The following COL15A1 variants were observed in gnomAD, a reference collection of about 807,000 sequenced individuals.
COL15A1 encodes collagen alpha-1(XV) chain.
A neutral mutation model predicts 165.9 loss-of-function variants in COL15A1; 111 were observed. That is an observed-to-expected ratio of 0.67 (90% confidence interval 0.57 to 0.78). The LOEUF (loss-of-function observed/expected upper bound fraction) is 0.78. Among genes scored for constraint, COL15A1 ranks in the 30% least tolerant of loss-of-function variants. The pLI is 0.00. For synonymous variants in COL15A1, 659 were observed against 674.8 expected, an observed-to-expected ratio of 0.98 and a Z score of 0.36; for missense variants, 1,745 against 1,789.7, an observed-to-expected ratio of 0.98 and a Z score of 0.45.
At chr9:98,981,506 G>C (rs554561697) in intron 2 of COL15A1, among the ~76,000 whole-genome samples, 1 of 152,008 alleles carries the variant, frequency 6.6e-6, no homozygotes. Context: ...GTATCAACAG[G>C]GATAAATCTA....
chr9:98,957,419 A>T (rs1405179966), intron 2 of COL15A1, among the ~76,000 whole-genome samples: 1 of 152,206 alleles, frequency 6.6e-6, no homozygotes, highest in Admixed American at 6.5e-5. Context: ...GAACTGTAAG[A>T]TAAAAAAACT....
chr9:98,947,506 A>G (rs1837605017), intron 2 of COL15A1, among the ~76,000 whole-genome samples: 1 of 152,204 alleles, frequency 6.6e-6, no homozygotes. Context: ...GGTGAATTTT[A>G]TGGAATGTAA....
intron 13 of COL15A1, 62 bp from the exon 14 acceptor site, chr9:99,023,295 A>G: frequency 1.3e-6 from 2 of 1,526,036 alleles, no homozygotes; most frequent in Non-Finnish European, 1.8e-6. Flanking sequence ...AAACTCAGTG[A>G]CGTGGCTGTC....
At chr9:99,031,643 G>T (rs1434102110) in intron 16 of COL15A1, among the ~76,000 whole-genome samples, 1 of 152,204 alleles carries the variant, frequency 6.6e-6, no homozygotes, top group African/African-American at 2.4e-5. Flanking sequence ...TTCAGAGCTG[G>T]AAGGAACCTG....
intron 3 of COL15A1, 44 bp downstream of exon 3, chr9:98,986,156 A>T: frequency 6.9e-7 from 1 of 1,456,110 alleles, no homozygotes; most frequent in East Asian, 2.3e-5. Flanking sequence ...AGGTGGATGA[A>T]CAGACTCGCC....
intron 31 of COL15A1, among the ~76,000 whole-genome samples, 180 bp from the exon 32 acceptor site, chr9:99,054,396 T>A (rs928419674): frequency 1.3e-5 from 2 of 152,218 alleles, no homozygotes; most frequent in African/African-American, 2.4e-5. Context: ...AGGTTGAGAA[T>A]GTGTCTGAAG....
At chr9:99,040,135 A>C (rs1839375647) in intron 22 of COL15A1, among the ~76,000 whole-genome samples, 1 of 152,232 alleles carries the variant, frequency 6.6e-6, no homozygotes, top group Non-Finnish European at 1.5e-5. Flanking sequence ...ACCAGCTAAC[A>C]AGTGAAAGTT....
rs566012131 is a variant in COL15A1, at chr9:98,955,539, G to A, written c.100+11289G>A. ...ACCCAGCATTATGAACCTTTGACCA[G>A]CAAAGTCTATGTGCGCCTCCAGCCA... On this transcript the variant is annotated intron_variant, in intron 2 of 41. Transcript: ENST00000375001. Among the ~76,000 whole-genome samples the A allele has an allele frequency of 3.9e-5, 6 of 152,318 alleles. No individual in the cohort carries two copies. The East Asian group carries it at 5.8e-4, about 15-fold the overall frequency.
chr9:99,064,484 C>T (rs1341437937), intron 39 of COL15A1, among the ~76,000 whole-genome samples: 2 of 152,136 alleles, frequency 1.3e-5, no homozygotes, highest in Non-Finnish European at 2.9e-5. Context: ...GGTCTGAAAC[C>T]CCACAGTGGG....
At chr9:99,050,728 T>A (rs1338052929) in intron 30 of COL15A1, among the ~76,000 whole-genome samples, 1 of 152,260 alleles carries the variant, frequency 6.6e-6, no homozygotes. Flanking sequence ...ACTAGACGGA[T>A]GTGGCCTCTG....
In COL15A1 at chr9:99,069,905, TAAAG is replaced by T; in HGVS notation, c.*21_*24del. Reference sequence around the variant, plus strand: ...GAAGTAATGGCCTTCTGATGATTCTTAAAGAGTTTTCAATTTTTTCTTATGTGAA... The same window carrying T: ...GAAGTAATGGCCTTCTGATGATTCTTAGTTTTCAATTTTTTCTTATGTGAA... On this transcript the variant is annotated 3_prime_UTR_variant, in exon 42 of 42. Coordinates refer to ENST00000375001, the MANE Select transcript of COL15A1 (RefSeq NM_001855.5). 1 of 1,571,668 alleles carries T rather than the reference TAAAG, an allele frequency of 6.4e-7. No homozygotes were observed. The highest frequency in any genetic ancestry group is 1.1e-5 in the South Asian group (1 of 87,914).
chr9:99,058,108 A>G (rs1205712214), intron 35 of COL15A1, among the ~76,000 whole-genome samples: 1 of 152,140 alleles, frequency 6.6e-6, no homozygotes, highest in Non-Finnish European at 1.5e-5. Flanking sequence ...ATGCAGTTTC[A>G]CGCTTCCTCA....
At chr9:98,983,769 G>A (rs908706883) in intron 2 of COL15A1, among the ~76,000 whole-genome samples, 3 of 152,164 alleles carry the variant, frequency 2.0e-5, no homozygotes, top group Admixed American at 6.5e-5. Context: ...TTCCGTGGAC[G>A]GTCTCATTTA....
chr9:98,981,513 T>G (rs1454088718), intron 2 of COL15A1, among the ~76,000 whole-genome samples: 1 of 151,996 alleles, frequency 6.6e-6, no homozygotes, highest in African/African-American at 2.4e-5. Context: ...CAGGGATAAA[T>G]CTAAAAAATA....
intron 2 of COL15A1, among the ~76,000 whole-genome samples, chr9:98,949,085 A>C (rs1837635917): frequency 6.6e-6 from 1 of 152,158 alleles, no homozygotes; most frequent in Admixed American, 6.5e-5. Flanking sequence ...TTTACTATCT[A>C]AGTGTGTATC....
chr9:99,025,015 CT>C lies in COL15A1; in HGVS notation c.1980+18del. On this transcript the variant is annotated intron_variant, in intron 15 of 41. Coordinates refer to ENST00000375001, the MANE Select transcript of COL15A1 (RefSeq NM_001855.5). The stretch of plus-strand genomic sequence containing the variant: ...TGGGCCCCCGGTGAGCAACTGAAGT[CT>C]TCTCCCCATCTCTGTGGCTGTGGGG... 6.2e-7 allele frequency: 1 copy of C among 1,611,502 alleles called. No individual in the cohort carries two copies. Among genetic ancestry groups the C allele is most frequent in the East Asian group, 2.2e-5 (1 of 44,832 alleles).
At position 98,997,008 on chromosome 9, in the gene COL15A1, T is replaced by C; in HGVS notation, c.879T>C (p.Ser293=). 1 of 1,614,202 alleles carries C rather than the reference T, an allele frequency of 6.2e-7. No homozygotes were observed. Among genetic ancestry groups the C allele is most frequent in the Non-Finnish European group, 8.5e-7 (1 of 1,180,032 alleles). Residue 293 remains serine (S), a synonymous_variant, in exon 6 of 42, where the codon TCT becomes TCC. Coordinates refer to ENST00000375001, the MANE Select transcript of COL15A1 (RefSeq NM_001855.5). ...PSSPFEDMEL[S]GEPVPEGTLE... ...CCCCCTTTGAAGACATGGAACTTTC[T>C]GGTGAACCTGTACCCGAGGGGACCC... is the stretch of plus-strand genomic sequence containing the variant.
chr9:99,034,640 T>G (rs1019813078), intron 17 of COL15A1, 56 bp downstream of exon 17: 53 of 1,379,262 alleles, frequency 3.8e-5, no homozygotes, highest in Admixed American at 8.7e-5. Flanking sequence ...TCCTCCCCTT[T>G]CTTTGAGTTT....
chr9:98,978,477 G>T (rs1838179377), intron 2 of COL15A1, among the ~76,000 whole-genome samples: 2 of 152,198 alleles, frequency 1.3e-5, no homozygotes, highest in South Asian at 4.1e-4. Context: ...AAAGAGAGAG[G>T]AAATAGAGGA....
Sources: gnomAD v4.1 joint callset for allele counts (sites outside exome capture counted in the v4.1 genomes callset) on GRCh38, gnomAD v4.1.1 for gene constraint, MANE v1.5 for transcripts, NCBI Gene and HGNC (gene_info 2026-07-23, HGNC 2026-07-21) for gene names.